NCOR2: variants seen among roughly 807,000 people sequenced by gnomAD.
NCOR2 encodes the protein CTG repeat protein 26.
Under a neutral mutation model 262.9 loss-of-function variants are expected in NCOR2, and 81 were observed. The ratio of observed to expected loss-of-function variants is 0.31; its 90% CI spans 0.26 to 0.37. NCOR2 has a LOEUF of 0.37. NCOR2 is among the 10% of genes least tolerant of loss of function. The pLI is 1.00. For synonymous variants in NCOR2, 1,659 were observed against 1,559.3 expected (o/e 1.06, Z -1.51); for missense variants, 3,385 against 3,621.4 (o/e 0.93, Z 1.68).
rs529123859 is a variant in NCOR2 at position 124,457,859 on chromosome 12, G to A, written c.706-697C>T. 3.8e-4 allele frequency among the ~76,000 whole-genome samples: 58 copies of A among 152,274 alleles called. No homozygotes were observed. Among genetic ancestry groups the A allele is most frequent in the Middle Eastern group, 3.4e-3 (1 of 294 alleles). The stretch of plus-strand genomic sequence containing the variant: ...GTGCCTCGGCCAGGCCCACCAGCCC[G>A]CAGCCTGGGACCACCAGGGTCCACT... On this transcript the variant is annotated intron_variant, in intron 5 of 46. Coordinates refer to ENST00000405201, the Ensembl canonical transcript of NCOR2. The surrounding 1 kb of genome is among the most constrained non-coding windows in gnomAD (Gnocchi z 4.0).
At chr12:124,500,707 C>T (rs951382467) in intron 1 of NCOR2, among the ~76,000 whole-genome samples, 5 of 152,182 alleles carry the variant, frequency 3.3e-5, no homozygotes, top group African/African-American at 1.2e-4. Flanking sequence ...CCTCCCACCC[C>T]TGCATTCCTC....
intron 20 of NCOR2, among the ~76,000 whole-genome samples, chr12:124,365,070 C>T (rs893252082): frequency 9.2e-5 from 14 of 151,648 alleles, no homozygotes; most frequent in Middle Eastern, 3.4e-3. Context: ...GCCCGGCCTA[C>T]GTTTGGGGGT....
intron 22 of NCOR2, among the ~76,000 whole-genome samples, chr12:124,358,018 G>A (rs534894480): frequency 6.7e-6 from 1 of 150,280 alleles, no homozygotes; most frequent in Non-Finnish European, 1.5e-5. Flanking sequence ...GCACACGTGC[G>A]TGCATGTGTG....
chr12:124,546,771 C>A (rs1420038177), intron 1 of NCOR2, among the ~76,000 whole-genome samples: 1 of 152,042 alleles, frequency 6.6e-6, no homozygotes, highest in East Asian at 1.9e-4. Flanking sequence ...CTTGCACCGT[C>A]GCGTCCTGTC....
At chr12:124,524,249 C>A (rs570186380) in intron 1 of NCOR2, among the ~76,000 whole-genome samples, 5 of 152,354 alleles carry the variant, frequency 3.3e-5, no homozygotes, top group African/African-American at 1.2e-4. Flanking sequence ...TCTTGGAAAA[C>A]CATCAGAATA....
intron 44 of NCOR2, chr12:124,328,516 C>A (rs1161624720): frequency 6.6e-6 from 1 of 152,368 alleles, no homozygotes; most frequent in African/African-American, 2.4e-5. Context: ...TTTCTGTTAA[C>A]CACATTTCCT....
chr12:124,497,512 T>C (rs746671168), upstream of NCOR2, among the ~76,000 whole-genome samples: 1 of 152,248 alleles, frequency 6.6e-6, no homozygotes, highest in African/African-American at 2.4e-5. The surrounding 1 kb of genome is among the most constrained non-coding windows in gnomAD (Gnocchi z 4.2). Context: ...CCCGGGCCTG[T>C]CACTTTCATT....
intron 38 of NCOR2, 99 bp from the exon 41 acceptor site, chr12:124,335,731 T>TC: frequency 7.3e-7 from 1 of 1,369,756 alleles, no homozygotes; most frequent in Non-Finnish European, 9.7e-7. Flanking sequence ...CCCGGGGGGG[T>TC]CAAGGGGAAC....
chr12:124,555,722 C>T (rs2051861948), intron 1 of NCOR2, among the ~76,000 whole-genome samples: 1 of 152,184 alleles, frequency 6.6e-6, no homozygotes, highest in Admixed American at 6.5e-5. Context: ...TTTGGACCCC[C>T]CAGAACTTGG....
At chr12:124,444,866 A>G (rs2045042206) in intron 7 of NCOR2, among the ~76,000 whole-genome samples, 1 of 152,144 alleles carries the variant, frequency 6.6e-6, no homozygotes, top group Non-Finnish European at 1.5e-5. Context: ...GTAGAGACCC[A>G]GGAGAGGAAG....
At chr12:124,384,292 G>A (rs747371644) in intron 17 of NCOR2, among the ~76,000 whole-genome samples, 7 of 152,216 alleles carry the variant, frequency 4.6e-5, no homozygotes, top group Admixed American at 1.3e-4. Flanking sequence ...TGTTAGGGAC[G>A]GGGTTCTGCA....
chr12:124,504,052 C>A lies in NCOR2; in HGVS notation c.-117-8684G>T, dbSNP rs1233432385. ...GGAAAACTGCCTCCAGTCCCAAACC[C>A]AGACTCAGCGTGGGAGGGTCTCAAC... is the stretch of plus-strand genomic sequence containing the variant. On this transcript the variant is annotated intron_variant, in intron 1 of 46. Coordinates refer to the NCOR2 transcript ENST00000404621. The surrounding 1 kb of genome is among the most constrained non-coding windows in gnomAD (Gnocchi z 4.5). 6.6e-6 allele frequency among the ~76,000 whole-genome samples: 1 copy of A among 152,200 alleles called. No individual in the cohort carries two copies. The highest frequency in any genetic ancestry group is 1.5e-5 in the Non-Finnish European group (1 of 68,036).
intron 43 of NCOR2, chr12:124,331,842 T>G: frequency 6.1e-6 from 1 of 163,506 alleles, no homozygotes; most frequent in Admixed American, 5.7e-5. Flanking sequence ...CTTCTTGGGG[T>G]CGGGGACTGT....
Position 124,549,207 on chromosome 12 carries a change from G to A in NCOR2, c.-164-13596C>T, listed in dbSNP as rs544341107. On this transcript the variant is annotated intron_variant, in intron 1 of 32. Transcript: ENST00000458234. This position sits in a 1 kb window ranked among gnomAD's most constrained non-coding sequence, Gnocchi z 4.4. ...GGTTGCTGGGTCACGAGATCACCGAGAGGATCAGATGAATTCACGTGGCAT... is the reference window on the plus strand; with the variant it reads ...GGTTGCTGGGTCACGAGATCACCGAAAGGATCAGATGAATTCACGTGGCAT... Among the ~76,000 whole-genome samples the A allele has an allele frequency of 2.0e-5, 3 of 152,216 alleles. No individual in the cohort carries two copies. The East Asian group carries it at 5.8e-4, about 29-fold the overall frequency.
At chr12:124,334,342 C>T (rs561559521) in intron 41 of NCOR2, 82 bp downstream of exon 43, 24 of 1,091,070 alleles carry the variant, frequency 2.2e-5, no homozygotes, top group Middle Eastern at 5.8e-4. Flanking sequence ...TGCAGCTGAG[C>T]TCAGACCCAG....
At chr12:124,339,311 C>T (rs1256041229) in intron 37 of NCOR2, among the ~76,000 whole-genome samples, 4 of 134,508 alleles carry the variant, frequency 3.0e-5, no homozygotes, top group Non-Finnish European at 6.0e-5. Flanking sequence ...ATCCATCCAT[C>T]CATCCATCCA....
chr12:124,445,407 G>A lies in NCOR2; in HGVS notation c.815+4408C>T, dbSNP rs572041862. On this transcript the variant is annotated intron_variant, in intron 7 of 46. Transcript: ENST00000405201. ...ACCAGCAGCGCCCGAAGCAGGTGGC[G>A]GTGGGAGGGCGGCGGAGGCGGCTAC... is the stretch of plus-strand genomic sequence containing the variant. Among the ~76,000 whole-genome samples the A allele has an allele frequency of 2.2e-3, 339 of 152,346 alleles. 2 individuals are homozygous for A. The highest frequency in any genetic ancestry group is 3.6e-3 in the Non-Finnish European group (248 of 68,026).
In NCOR2 at chr12:124,340,501, T is replaced by C. The variant is rs2293516; in HGVS notation, c.5339-58A>G. 2.8e-3 allele frequency: 4,488 copies of C among 1,583,844 alleles called. 147 individuals carry two copies. In the East Asian group the frequency reaches 0.074, roughly 26 times the overall value. ...AGGGCCGAAGAAGAGCCTGGCTTTGTCTTCTGGGGTGGGAAAGAGAGCAGG... is the reference window on the plus strand; with the variant it reads ...AGGGCCGAAGAAGAGCCTGGCTTTGCCTTCTGGGGTGGGAAAGAGAGCAGG... On this transcript the variant is annotated intron_variant, in intron 35 of 46. Transcript: ENST00000405201.
At chr12:124,332,271 C>T (rs370009566) in intron 43 of NCOR2, 48 bp downstream of exon 45, 118 of 1,605,636 alleles carry the variant, frequency 7.3e-5, no homozygotes, top group Non-Finnish European at 9.4e-5. Flanking sequence ...GCAGGCCACC[C>T]GCCCACCTGT....
Sources: gnomAD v4.1 joint callset for allele counts (sites outside exome capture counted in the v4.1 genomes callset) on GRCh38, gnomAD v4.1.1 for gene constraint, Gnocchi (gnomAD v3.1) non-coding constraint, MANE v1.5 for transcripts, NCBI Gene and HGNC (gene_info 2026-07-23, HGNC 2026-07-21) for gene names.